FBXL13: variants seen among roughly 807,000 people sequenced by gnomAD.
The protein encoded by FBXL13 is F-box and leucine-rich repeat protein 13.
In FBXL13, 67 loss-of-function variants were observed where a neutral mutation model predicts 83.6. That is an observed-to-expected ratio of 0.80 (90% confidence interval 0.66 to 0.98). The LOEUF (loss-of-function observed/expected upper bound fraction) is 0.98. Among genes scored for constraint, FBXL13 ranks in the 50% least tolerant of loss-of-function variants. The probability of loss-of-function intolerance (pLI) is 0.00; values close to 1 mark genes in which losing one functional copy is unlikely to be tolerated. For synonymous variants in FBXL13, 272 were observed against 299.5 expected (o/e 0.91, Z 0.95); for missense variants, 822 against 866.5 (o/e 0.95, Z 0.64).
chr7:103,074,072 T>C (rs1194289694), intron 1 of FBXL13, among the ~76,000 whole-genome samples: 1 of 152,212 alleles, frequency 6.6e-6, no homozygotes, highest in Non-Finnish European at 1.5e-5. Flanking sequence ...CCTACTCTTA[T>C]AACGGCAGTA....
chr7:102,905,780 T>G (rs1187909704), intron 11 of FBXL13, among the ~76,000 whole-genome samples: 1 of 152,190 alleles, frequency 6.6e-6, no homozygotes, highest in Non-Finnish European at 1.5e-5. Context: ...TTTGTGTATC[T>G]ACTGTATGAT....
At position 102,856,033 on chromosome 7, in the gene FBXL13, T is replaced by A. The variant is rs1806000383; in HGVS notation, c.1636-1173A>T. Among the ~76,000 whole-genome samples the A allele has an allele frequency of 3.3e-5, 5 of 152,330 alleles. No homozygotes were observed. In the South Asian group the frequency reaches 1.0e-3, roughly 32 times the overall value. On this transcript the variant is annotated intron_variant, in intron 16 of 19. Coordinates refer to ENST00000313221, the Ensembl canonical transcript of FBXL13. ...TGAATTCTTTTAACTTTTTAAAAAC[T>A]TTTATTTGCATTTATTTTATGCTGA...
chr7:102,882,336 C>T (rs1810208066), intron 14 of FBXL13, among the ~76,000 whole-genome samples: 1 of 152,330 alleles, frequency 6.6e-6, no homozygotes, highest in Admixed American at 6.5e-5. Flanking sequence ...TATTAGCCAA[C>T]TTCAATGTGG....
At chr7:102,845,999 A>AACCT (rs1803878680) in intron 17 of FBXL13, among the ~76,000 whole-genome samples, 2 of 152,210 alleles carry the variant, frequency 1.3e-5, no homozygotes, top group African/African-American at 4.8e-5. Flanking sequence ...AGAAGTTTTT[A>AACCT]ACCTCTTGGA....
intron 2 of FBXL13, among the ~76,000 whole-genome samples, chr7:103,048,891 C>T (rs920729324): frequency 6.6e-6 from 1 of 152,166 alleles, no homozygotes; most frequent in Non-Finnish European, 1.5e-5. Context: ...TAATCTCTTA[C>T]CAAAAACATG....
At chr7:103,066,555 C>T (rs1481863555) in intron 1 of FBXL13, among the ~76,000 whole-genome samples, 1 of 151,972 alleles carries the variant, frequency 6.6e-6, no homozygotes, top group Non-Finnish European at 1.5e-5. Flanking sequence ...TCACGCCCAG[C>T]TAATTTTTTT....
intron 6 of FBXL13, among the ~76,000 whole-genome samples, chr7:103,020,274 AC>A (rs1417707962): frequency 1.3e-5 from 2 of 152,078 alleles, no homozygotes; most frequent in African/African-American, 2.4e-5. Flanking sequence ...AAATTCAACA[AC>A]CCTTCGTGCT....
intron 2 of FBXL13, among the ~76,000 whole-genome samples, chr7:103,048,410 T>C (rs1796492742): frequency 6.6e-6 from 1 of 151,618 alleles, no homozygotes; most frequent in African/African-American, 2.4e-5. Flanking sequence ...TTTTTTTTTT[T>C]TTGATAGTGT....
chr7:102,968,869 T>C (rs942700350), intron 6 of FBXL13, among the ~76,000 whole-genome samples: 1 of 152,194 alleles, frequency 6.6e-6, no homozygotes, highest in African/African-American at 2.4e-5. Context: ...TCACCAGGCC[T>C]GTACAAAGCT....
At chr7:102,834,104 A>AG (rs1461212398) in intron 17 of FBXL13, among the ~76,000 whole-genome samples, 3 of 110,520 alleles carry the variant, frequency 2.7e-5, no homozygotes, top group Non-Finnish European at 5.3e-5. Flanking sequence ...GAAAGAAAGA[A>AG]AGAAAGAAAG....
At chr7:102,822,465 G>A (rs571417641) in intron 18 of FBXL13, 1 of 596,918 alleles carries the variant, frequency 1.7e-6, no homozygotes, top group African/African-American at 1.8e-5. Flanking sequence ...GAGAGAGAGA[G>A]AGCTCTAGTC....
In FBXL13 at chr7:102,883,684, GCCTTT is replaced by G. The variant is rs1231717073; in HGVS notation, c.1108-4_1108del. 2 of 1,572,026 alleles carry G rather than the reference GCCTTT, an allele frequency of 1.3e-6. No homozygotes were observed. The highest frequency in any genetic ancestry group is 3.4e-5 in the Admixed American group (2 of 58,400). Reference sequence around the variant, plus strand: ...AATACGAGAGCATTTTTCAACTAAAGCCTTTAGAAGAAAAAAATGATTAAATTAAT... The same window carrying G: ...AATACGAGAGCATTTTTCAACTAAAGAGAAGAAAAAAATGATTAAATTAAT... On this transcript the variant is annotated splice_acceptor_variant and splice_polypyrimidine_tract_variant and coding_sequence_variant and intron_variant, in exon 13 of 20. Transcript: ENST00000313221. LOFTEE classifies it high-confidence loss of function.
intron 2 of FBXL13, among the ~76,000 whole-genome samples, chr7:103,037,052 A>C (rs1163851432): frequency 6.6e-6 from 1 of 152,252 alleles, no homozygotes; most frequent in East Asian, 1.9e-4. Flanking sequence ...TGCCATAAAT[A>C]GCAGACAGAA....
At chr7:102,994,442 T>A (rs1189005952) in intron 6 of FBXL13, among the ~76,000 whole-genome samples, 3 of 150,760 alleles carry the variant, frequency 2.0e-5, no homozygotes, top group African/African-American at 4.8e-5. Context: ...AAAAAAGATA[T>A]AGAGGCTATA....
chr7:102,892,842 C>T (rs1334675509), intron 11 of FBXL13, among the ~76,000 whole-genome samples: 2 of 152,130 alleles, frequency 1.3e-5, no homozygotes, highest in Non-Finnish European at 2.9e-5. Context: ...GAATATTACA[C>T]AATAATGTGC....
At chr7:102,949,031 A>G (rs1563137086) in intron 8 of FBXL13, among the ~76,000 whole-genome samples, 1 of 152,128 alleles carries the variant, frequency 6.6e-6, no homozygotes, top group Admixed American at 6.5e-5. Context: ...TTAAGATAAC[A>G]TTCTACAGTT....
At chr7:103,014,077 T>C (rs914704285) in intron 6 of FBXL13, among the ~76,000 whole-genome samples, 1 of 152,042 alleles carries the variant, frequency 6.6e-6, no homozygotes, top group Non-Finnish European at 1.5e-5. Context: ...CCTCCAAAGA[T>C]TGAACGAGGA....
chr7:102,843,123 A>G (rs758588200), intron 17 of FBXL13, among the ~76,000 whole-genome samples: 9 of 152,204 alleles, frequency 5.9e-5, no homozygotes, highest in Non-Finnish European at 1.2e-4. Flanking sequence ...AAGGTTATGA[A>G]GATTAAGGGA....
chr7:103,070,569 A>T (rs1472268427), intron 1 of FBXL13, among the ~76,000 whole-genome samples: 1 of 152,226 alleles, frequency 6.6e-6, no homozygotes, highest in Non-Finnish European at 1.5e-5. Context: ...GGCTATAAAG[A>T]AATACCTGAG....
Sources: allele counts gnomAD v4.1 joint callset (sites outside exome capture counted in the v4.1 genomes callset), GRCh38; gene constraint gnomAD v4.1.1; transcripts MANE v1.5; gene names NCBI Gene and HGNC (gene_info 2026-07-23, HGNC 2026-07-21).